Variants in BBX observed in about 807,000 individuals in gnomAD.
The protein encoded by BBX is BBX high mobility group box domain containing.
BBX carries 30 observed loss-of-function variants against 100.2 expected under a neutral mutation model. The ratio of observed to expected loss-of-function variants is 0.30; its 90% CI spans 0.22 to 0.41. The LOEUF is 0.41. Ranked by LOEUF, BBX falls within the 10% of genes least tolerant of loss-of-function variation. The pLI, the probability that BBX is intolerant of heterozygous loss-of-function variation, is 1.00. For missense variants in BBX, 1,023 were observed against 1,129.8 expected, an observed-to-expected ratio of 0.91 and a Z score of 1.35; for synonymous variants, 376 against 388.1, an observed-to-expected ratio of 0.97 and a Z score of 0.37.
chr3:107,710,420 T>G (rs754358353), intron 3 of BBX, 32 bp from the exon 4 acceptor site: 7 of 1,528,258 alleles, frequency 4.6e-6, no homozygotes, highest in East Asian at 4.6e-5. Flanking sequence ...TCTCCCTGTT[T>G]CCCTGTTTCT....
chr3:107,697,047 A>G (rs2060658993), intron 3 of BBX, among the ~76,000 whole-genome samples: 1 of 151,770 alleles, frequency 6.6e-6, no homozygotes, highest in African/African-American at 2.4e-5. Context: ...TTTCAGCTCC[A>G]TCAGCTCCTT....
chr3:107,717,634 A>G (rs2062197577), intron 5 of BBX, among the ~76,000 whole-genome samples: 1 of 152,132 alleles, frequency 6.6e-6, no homozygotes, highest in Non-Finnish European at 1.5e-5. Flanking sequence ...AAGCATTTCC[A>G]TGTAGGAAGG....
chr3:107,780,976 A>G (rs1223352813), intron 13 of BBX, among the ~76,000 whole-genome samples: 1 of 151,826 alleles, frequency 6.6e-6, no homozygotes, highest in Non-Finnish European at 1.5e-5. Flanking sequence ...ATAATTTGCC[A>G]TTTGTCTATA....
intron 2 of BBX, among the ~76,000 whole-genome samples, chr3:107,562,199 C>A (rs549537442): frequency 6.6e-6 from 1 of 152,120 alleles, no homozygotes; most frequent in Admixed American, 6.6e-5. Context: ...CGATTACATT[C>A]AAATAAACAC....
chr3:107,691,902 AAT>A (rs1458894928), intron 3 of BBX, among the ~76,000 whole-genome samples: 1 of 152,152 alleles, frequency 6.6e-6, no homozygotes, highest in Non-Finnish European at 1.5e-5. Flanking sequence ...TAAAATAAGA[AAT>A]ACGTATTCTT....
intron 2 of BBX, among the ~76,000 whole-genome samples, chr3:107,613,909 G>A (rs1397868842): frequency 7.7e-6 from 1 of 129,648 alleles, no homozygotes; most frequent in East Asian, 2.4e-4. Flanking sequence ...AAAGAATGCT[G>A]TATAGCTGAA....
At chr3:107,708,586 A>C (rs1282432654) in intron 3 of BBX, among the ~76,000 whole-genome samples, 1 of 150,812 alleles carries the variant, frequency 6.6e-6, no homozygotes, top group Non-Finnish European at 1.5e-5. Context: ...AGGCAGAAGA[A>C]TTGCTTGAAC....
rs554273651 is a variant in BBX, at chr3:107,605,374, T to TG, written c.-83-40462_-83-40461insG. 6.6e-3 allele frequency among the ~76,000 whole-genome samples: 249 copies of TG among 37,608 alleles called. 4 individuals carry two copies. The East Asian group carries it at 0.2, about 30-fold the overall frequency. The allele number at this position is 37,608 out of a possible 152,430, so 24.7% of individuals were successfully genotyped here. A position where few individuals can be genotyped will look rare whatever the true frequency, so the allele number is the denominator to read the frequency against. ...AAGCTTCCATGGATTCTTCACTTTCTATTTTTTTTTTTGGGGGGGGGATTT... is the reference window on the plus strand; with the variant it reads ...AAGCTTCCATGGATTCTTCACTTTCTGATTTTTTTTTTTGGGGGGGGGATTT... On this transcript the variant is annotated intron_variant, in intron 2 of 17. Transcript: ENST00000325805.
chr3:107,676,155 A>C (rs1286531861), intron 3 of BBX, among the ~76,000 whole-genome samples: 1 of 152,196 alleles, frequency 6.6e-6, no homozygotes, highest in Non-Finnish European at 1.5e-5. Flanking sequence ...TCCAAAGATC[A>C]AAAGAAAACA....
chr3:107,605,735 A>G lies in BBX; in HGVS notation c.-83-40101A>G, dbSNP rs142536329. 7.2e-5 allele frequency among the ~76,000 whole-genome samples: 11 copies of G among 152,336 alleles called. No homozygotes were observed. In the East Asian group the frequency reaches 1.9e-3, roughly 27 times the overall value. On this transcript the variant is annotated intron_variant, in intron 2 of 17. Coordinates refer to ENST00000325805, the MANE Select transcript of BBX (RefSeq NM_001142568.3). Reference sequence around the variant, plus strand: ...TATGTCCCATCTCCTCATTTTGCAGATGAAGAAATGGAAGCACAGGAAGTG... The same window carrying G: ...TATGTCCCATCTCCTCATTTTGCAGGTGAAGAAATGGAAGCACAGGAAGTG...
chr3:107,612,200 G>A (rs1254182354), intron 2 of BBX, among the ~76,000 whole-genome samples: 1 of 152,062 alleles, frequency 6.6e-6, no homozygotes, highest in Non-Finnish European at 1.5e-5. Context: ...ATAGCTCTGT[G>A]GTCACATGGT....
intron 2 of BBX, among the ~76,000 whole-genome samples, chr3:107,594,694 A>G (rs1321273270): frequency 2.0e-5 from 3 of 152,182 alleles, no homozygotes; most frequent in Non-Finnish European, 2.9e-5. Flanking sequence ...TTACCACATC[A>G]TAGGATTGTT....
intron 2 of BBX, among the ~76,000 whole-genome samples, chr3:107,584,344 T>C (rs1018108475): frequency 6.9e-6 from 1 of 145,940 alleles, no homozygotes; most frequent in Non-Finnish European, 1.5e-5. Context: ...TGAATCAAAT[T>C]GAAACAATAC....
At chr3:107,793,037 A>T (rs2069219409) in intron 15 of BBX, among the ~76,000 whole-genome samples, 1 of 152,182 alleles carries the variant, frequency 6.6e-6, no homozygotes, top group African/African-American at 2.4e-5. Flanking sequence ...CCTCACTAGG[A>T]TTACTCTCCA....
intron 2 of BBX, among the ~76,000 whole-genome samples, chr3:107,528,330 G>A (rs528332872): frequency 3.9e-5 from 6 of 152,256 alleles, no homozygotes; most frequent in Admixed American, 2.0e-4. Context: ...TGAAGCCCTA[G>A]TTTGCATTTC....
intron 2 of BBX, among the ~76,000 whole-genome samples, chr3:107,585,475 C>T (rs2107572167): frequency 6.6e-6 from 1 of 152,214 alleles, no homozygotes; most frequent in African/African-American, 2.4e-5. Flanking sequence ...CTTGAATGGT[C>T]TGTACTATAT....
In BBX at chr3:107,657,307, C is replaced by G. The variant is rs539313456; in HGVS notation, c.-10+11398C>G. ...ATTCCAAGTTACAGAACTAGTCTTT[C>G]CCATTTACGGGGCAAAAGTTAATGG... On this transcript the variant is annotated intron_variant, in intron 3 of 17. Coordinates refer to ENST00000325805, the MANE Select transcript of BBX (RefSeq NM_001142568.3). 2.0e-5 allele frequency: 3 copies of G among 152,250 alleles called. No individual in the cohort carries two copies. The South Asian group carries it at 6.2e-4, about 32-fold the overall frequency. The allele number at this position is 152,250 out of a possible 1,614,324, so 9.4% of individuals were successfully genotyped here.
At chr3:107,613,895 T>C (rs896394884) in intron 2 of BBX, among the ~76,000 whole-genome samples, 1 of 151,610 alleles carries the variant, frequency 6.6e-6, no homozygotes, top group Non-Finnish European at 1.5e-5. Context: ...TCAATAAACT[T>C]TAGAAAGAAT....
intron 6 of BBX, among the ~76,000 whole-genome samples, chr3:107,730,573 T>C (rs536144107): frequency 2.0e-4 from 30 of 151,890 alleles, no homozygotes; most frequent in Middle Eastern, 3.4e-3. Context: ...ATGAAAGATA[T>C]CTTTTTTGAA....
Sources: gnomAD v4.1 joint callset for allele counts (sites outside exome capture counted in the v4.1 genomes callset) on GRCh38, gnomAD v4.1.1 for gene constraint, MANE v1.5 for transcripts, NCBI Gene and HGNC (gene_info 2026-07-23, HGNC 2026-07-21) for gene names.